Variants in NRXN1 observed in about 807,000 individuals in gnomAD.
NRXN1 encodes neurexin 1, also known as neurexin-1.
In NRXN1, 39 loss-of-function variants were observed where a neutral mutation model predicts 150.9. The ratio of observed to expected loss-of-function variants is 0.26; its 90% CI spans 0.20 to 0.34. The LOEUF (loss-of-function observed/expected upper bound fraction) is 0.34, where lower values mean the gene tolerates loss of function less well. Ranked by LOEUF, NRXN1 falls within the 10% of genes least tolerant of loss-of-function variation. The probability of loss-of-function intolerance (pLI) is 1.00; values close to 1 mark genes in which losing one functional copy is unlikely to be tolerated. For synonymous variants in NRXN1, 924 were observed against 757.0 expected (o/e 1.22, Z -3.62); for missense variants, 1,815 against 1,949.9 (o/e 0.93, Z 1.30).
intron 5 of NRXN1, chr2:50,625,096 C>T (rs1409069756): frequency 2.0e-5 from 3 of 151,924 alleles, no homozygotes; most frequent in Non-Finnish European, 2.9e-5. Context: ...ATTATGCCCC[C>T]GAGAGGGTTG....
At chr2:50,254,337 GTCT>G (rs2067476719) in intron 17 of NRXN1, among the ~76,000 whole-genome samples, 1 of 150,222 alleles carries the variant, frequency 6.7e-6, no homozygotes, top group Non-Finnish European at 1.5e-5. Context: ...CAGTCTATCT[GTCT>G]TATTATTTTT....
intron 5 of NRXN1, among the ~76,000 whole-genome samples, chr2:50,902,791 T>C (rs954224999): frequency 2.6e-5 from 4 of 152,124 alleles, no homozygotes; most frequent in Admixed American, 2.0e-4. Flanking sequence ...GGAAGTCAAA[T>C]GTCATTGTCC....
intron 21 of NRXN1, among the ~76,000 whole-genome samples, chr2:50,037,505 T>C (rs1690222193): frequency 6.6e-6 from 1 of 152,136 alleles, no homozygotes. Context: ...GTTTTCTTCA[T>C]TGATAAATAG....
At chr2:50,472,012 C>A (rs570684627) in intron 16 of NRXN1, among the ~76,000 whole-genome samples, 26 of 150,892 alleles carry the variant, frequency 1.7e-4, no homozygotes, top group African/African-American at 6.3e-4. Flanking sequence ...AAATGTACTA[C>A]ATAGCTCAAA....
At chr2:50,920,832 T>A (rs947043241) in intron 5 of NRXN1, among the ~76,000 whole-genome samples, 1 of 151,810 alleles carries the variant, frequency 6.6e-6, no homozygotes, top group African/African-American at 2.4e-5. Context: ...ATCAAAGTAT[T>A]CAAACAGCAT....
intron 21 of NRXN1, among the ~76,000 whole-genome samples, chr2:50,006,815 C>G (rs1684846076): frequency 6.6e-6 from 1 of 152,078 alleles, no homozygotes; most frequent in African/African-American, 2.4e-5. Context: ...AGGGATAAAT[C>G]ATGTTTTGTT....
chr2:50,421,984 C>T (rs1173737498), intron 17 of NRXN1, among the ~76,000 whole-genome samples: 1 of 152,162 alleles, frequency 6.6e-6, no homozygotes, highest in Non-Finnish European at 1.5e-5. Context: ...CCTTCATCCA[C>T]CTTTCCTTCA....
intron 17 of NRXN1, among the ~76,000 whole-genome samples, chr2:50,463,470 A>G (rs948619970): frequency 6.6e-6 from 1 of 151,772 alleles, no homozygotes; most frequent in African/African-American, 2.4e-5. Context: ...AGAGCTCTCT[A>G]AAGTAATTTT....
At chr2:50,107,637 C>G (rs1290125770) in intron 18 of NRXN1, among the ~76,000 whole-genome samples, 3 of 149,954 alleles carry the variant, frequency 2.0e-5, no homozygotes, top group African/African-American at 7.3e-5. Context: ...TATATTCACA[C>G]ATTGTTACAG....
chr2:50,692,964 G>T (rs944958070), intron 5 of NRXN1, among the ~76,000 whole-genome samples: 1 of 152,184 alleles, frequency 6.6e-6, no homozygotes, highest in Non-Finnish European at 1.5e-5. Context: ...TTTAAGTGAA[G>T]TTTGTAAATG....
intron 21 of NRXN1, among the ~76,000 whole-genome samples, chr2:49,988,544 A>G (rs1245713802): frequency 1.3e-5 from 2 of 150,624 alleles, no homozygotes; most frequent in African/African-American, 4.9e-5. Context: ...CAGAAGACTT[A>G]GTGACTTAGT....
chr2:50,077,339 C>A (rs1049697774), intron 19 of NRXN1, among the ~76,000 whole-genome samples: 3 of 152,134 alleles, frequency 2.0e-5, no homozygotes, highest in Admixed American at 6.5e-5. Flanking sequence ...TTTATTGAAT[C>A]AATTTGACAG....
chr2:50,754,364 C>T (rs931993281), intron 5 of NRXN1, among the ~76,000 whole-genome samples: 6 of 151,794 alleles, frequency 4.0e-5, no homozygotes, highest in Non-Finnish European at 7.4e-5. Flanking sequence ...TTTGTGGGAG[C>T]TCCAGTTTTA....
chr2:50,752,600 G>A (rs1700724979), intron 5 of NRXN1, among the ~76,000 whole-genome samples: 1 of 151,670 alleles, frequency 6.6e-6, no homozygotes, highest in African/African-American at 2.4e-5. Flanking sequence ...ATTTCTATTT[G>A]GAGGCAACTT....
chr2:50,426,218 T>C (rs558186739), intron 17 of NRXN1, among the ~76,000 whole-genome samples: 7 of 152,334 alleles, frequency 4.6e-5, no homozygotes, highest in Non-Finnish European at 8.8e-5. Context: ...AGGATAAAGC[T>C]GCAAGCGTTA....
At chr2:50,397,457 T>G (rs1281513737) in intron 17 of NRXN1, among the ~76,000 whole-genome samples, 1 of 152,098 alleles carries the variant, frequency 6.6e-6, no homozygotes, top group Non-Finnish European at 1.5e-5. Context: ...GCTCCTTCAA[T>G]GCTAACAGCA....
chr2:50,947,772 GT>G (rs1690631017), intron 2 of NRXN1, among the ~76,000 whole-genome samples: 1 of 151,936 alleles, frequency 6.6e-6, no homozygotes, highest in Non-Finnish European at 1.5e-5. Flanking sequence ...GCTACGAAGG[GT>G]TTCCCTCATT....
At chr2:50,652,418 C>A (rs1388955790) in intron 5 of NRXN1, among the ~76,000 whole-genome samples, 1 of 152,026 alleles carries the variant, frequency 6.6e-6, no homozygotes, top group Non-Finnish European at 1.5e-5. Context: ...CCAACCTAAG[C>A]AAACACTAAT....
intron 17 of NRXN1, among the ~76,000 whole-genome samples, chr2:50,396,648 C>A (rs1439937808): frequency 6.6e-6 from 1 of 151,930 alleles, no homozygotes; most frequent in Non-Finnish European, 1.5e-5. Context: ...ACCTACTGTG[C>A]GAAGGAGGCA....
Sources: allele counts gnomAD v4.1 joint callset (sites outside exome capture counted in the v4.1 genomes callset), GRCh38; gene constraint gnomAD v4.1.1; transcripts MANE v1.5; gene names NCBI Gene and HGNC (gene_info 2026-07-23, HGNC 2026-07-21).